The following PPP2R5E variants were observed in gnomAD, a reference collection of about 807,000 sequenced individuals.
The protein encoded by PPP2R5E is protein phosphatase 2 regulatory subunit B'epsilon, also known as serine/threonine-protein phosphatase 2A 56 kDa regulatory subunit epsilon isoform.
In PPP2R5E, 4 loss-of-function variants were observed where a neutral mutation model predicts 65.3. That is an observed-to-expected ratio of 0.06 (90% CI 0.03 to 0.14). PPP2R5E has a LOEUF of 0.14. Ranked by LOEUF, PPP2R5E falls within the 10% of genes least tolerant of loss-of-function variation. PPP2R5E has a pLI of 1.00. For synonymous variants in PPP2R5E, 183 were observed against 187.4 expected (o/e 0.98, Z 0.19); for missense variants, 274 against 556.1 (o/e 0.49, Z 5.10).
intron 2 of PPP2R5E, among the ~76,000 whole-genome samples, chr14:63,522,336 C>T (rs1470205259): frequency 5.9e-5 from 9 of 151,922 alleles, no homozygotes; most frequent in African/African-American, 2.2e-4. Flanking sequence ...TCCCAAAGTG[C>T]CGAGATTGCA....
chr14:63,447,323 C>A (rs1172042790), intron 3 of PPP2R5E, among the ~76,000 whole-genome samples: 2 of 152,246 alleles, frequency 1.3e-5, no homozygotes, highest in East Asian at 1.9e-4. Context: ...GTCTTCTGGA[C>A]AACTTGCGGC....
chr14:63,445,370 AC>A (rs1353021472), intron 3 of PPP2R5E, among the ~76,000 whole-genome samples: 9 of 152,260 alleles, frequency 5.9e-5, no homozygotes, highest in Admixed American at 4.6e-4. Context: ...GTCTAAAAAA[AC>A]AAAAATGGAT....
chr14:63,536,197 T>C (rs1387691427), intron 2 of PPP2R5E, among the ~76,000 whole-genome samples: 2 of 152,176 alleles, frequency 1.3e-5, no homozygotes, highest in African/African-American at 4.8e-5. Context: ...AGCAGAGTTC[T>C]TGGAAAACTG....
intron 2 of PPP2R5E, among the ~76,000 whole-genome samples, chr14:63,523,572 G>A (rs992114679): frequency 6.7e-5 from 10 of 148,462 alleles, no homozygotes; most frequent in Non-Finnish European, 1.2e-4. Flanking sequence ...CAAACACTGC[G>A]GAAGGCCGCA....
chr14:63,450,739 C>T (rs186845943), intron 3 of PPP2R5E, among the ~76,000 whole-genome samples: 3 of 150,008 alleles, frequency 2.0e-5, no homozygotes, highest in East Asian at 2.0e-4. Context: ...TGTGCTTACA[C>T]CTAATTAGAA....
At chr14:63,486,327 C>CAT (rs1890995890) in intron 2 of PPP2R5E, among the ~76,000 whole-genome samples, 3 of 148,978 alleles carry the variant, frequency 2.0e-5, no homozygotes, top group African/African-American at 7.6e-5. Flanking sequence ...CACACACACA[C>CAT]ATCCTTTAAA....
At chr14:63,416,707 TGAAAAAAAAA>T (rs1371144242) in intron 4 of PPP2R5E, among the ~76,000 whole-genome samples, 3 of 150,928 alleles carry the variant, frequency 2.0e-5, no homozygotes, top group Non-Finnish European at 4.4e-5. Context: ...ATTATGTTCC[TGAAAAAAAAA>T]GAAAAAAAAA....
At chr14:63,404,709 ACC>A (rs559171986) in intron 5 of PPP2R5E, among the ~76,000 whole-genome samples, 80 of 152,312 alleles carry the variant, frequency 5.3e-4, no homozygotes, top group African/African-American at 1.6e-3. Context: ...GAACAACTCC[ACC>A]AAGTCACACG....
rs576023364 is a variant in PPP2R5E at position 63,469,238 on chromosome 14, T to C, written c.158-15353A>G. 3.9e-5 allele frequency among the ~76,000 whole-genome samples: 6 copies of C among 152,182 alleles called. 1 individual carries two copies. Among genetic ancestry groups the C allele is most frequent in the African/African-American group, 1.4e-4 (6 of 41,514 alleles). ...GAGAAACCCTAATTAAATGACCATATAGATAAATATAAAAGTTAAAACATT... is the reference window on the plus strand; with the variant it reads ...GAGAAACCCTAATTAAATGACCATACAGATAAATATAAAAGTTAAAACATT... On this transcript the variant is annotated intron_variant, in intron 2 of 13. Coordinates refer to ENST00000337537, the MANE Select transcript of PPP2R5E (RefSeq NM_006246.5).
chr14:63,440,056 G>T (rs181192981), intron 3 of PPP2R5E, among the ~76,000 whole-genome samples: 17 of 152,274 alleles, frequency 1.1e-4, no homozygotes, highest in Admixed American at 9.8e-4. Context: ...CACAGGTAAG[G>T]TATCGCCACG....
At chr14:63,525,645 C>T (rs1360433396) in intron 2 of PPP2R5E, among the ~76,000 whole-genome samples, 1 of 152,106 alleles carries the variant, frequency 6.6e-6, no homozygotes, top group Non-Finnish European at 1.5e-5. Flanking sequence ...CACAGAGACA[C>T]AAAATACTCC....
chr14:63,410,651 C>G (rs145625087), intron 5 of PPP2R5E, among the ~76,000 whole-genome samples: 1 of 152,138 alleles, frequency 6.6e-6, no homozygotes, highest in Non-Finnish European at 1.5e-5. Flanking sequence ...AAGTCATCAG[C>G]AGACTAAAGG....
intron 7 of PPP2R5E, 90 bp from the exon 8 acceptor site, chr14:63,394,018 G>T: frequency 9.5e-6 from 5 of 527,182 alleles, no homozygotes; most frequent in South Asian, 4.4e-5. Context: ...AACTTAATCA[G>T]TTTGTTTGTA....
intron 5 of PPP2R5E, among the ~76,000 whole-genome samples, chr14:63,400,672 A>G (rs1158380078): frequency 1.7e-5 from 2 of 114,286 alleles, no homozygotes; most frequent in Non-Finnish European, 3.4e-5. Context: ...TCTATCTAGG[A>G]AAGAAAGGCA....
chr14:63,458,246 C>T (rs185552192), intron 2 of PPP2R5E, among the ~76,000 whole-genome samples: 1 of 152,292 alleles, frequency 6.6e-6, no homozygotes, highest in East Asian at 1.9e-4. Flanking sequence ...ACTCCCCTCA[C>T]CCTAATCATG....
intron 2 of PPP2R5E, among the ~76,000 whole-genome samples, chr14:63,503,276 G>T (rs911027334): frequency 6.6e-6 from 1 of 152,136 alleles, no homozygotes; most frequent in Non-Finnish European, 1.5e-5. Flanking sequence ...GACAGAAGAC[G>T]AATTTCCATC....
At chr14:63,457,565 GTCATCTTAGAA>G (rs996534105) in intron 2 of PPP2R5E, among the ~76,000 whole-genome samples, 8 of 152,218 alleles carry the variant, frequency 5.3e-5, no homozygotes, top group African/African-American at 1.9e-4. Flanking sequence ...AAAATTAAAG[GTCATCTTAGAA>G]TCCCAAAGCA....
At chr14:63,504,036 A>T (rs3783738) in intron 2 of PPP2R5E, among the ~76,000 whole-genome samples, 19,947 of 152,150 alleles carry the variant, frequency 0.13, 1,527 homozygotes, top group East Asian at 0.31. Flanking sequence ...AATAGATTAA[A>T]AGAGCTAGGG....
intron 2 of PPP2R5E, among the ~76,000 whole-genome samples, chr14:63,487,362 T>C (rs970201609): frequency 5.3e-5 from 8 of 151,172 alleles, no homozygotes; most frequent in African/African-American, 1.7e-4. Context: ...CACCCCCCCC[T>C]CTTAAATTCC....
Sources: gnomAD v4.1 joint callset for allele counts (sites outside exome capture counted in the v4.1 genomes callset) on GRCh38, gnomAD v4.1.1 for gene constraint, MANE v1.5 for transcripts, NCBI Gene and HGNC (gene_info 2026-07-23, HGNC 2026-07-21) for gene names.